Variants in ACADVL observed in about 807,000 individuals in gnomAD.
The protein encoded by ACADVL is acyl-CoA dehydrogenase very long chain, also known as very long-chain acyl-CoA dehydrogenase, mitochondrial.
Under a neutral mutation model 80.4 loss-of-function variants are expected in ACADVL, and 73 were observed. The ratio of observed to expected loss-of-function variants is 0.91; its 90% CI spans 0.75 to 1.10. ACADVL has a LOEUF of 1.10. Among genes scored for constraint, ACADVL ranks in the 50% least tolerant of loss-of-function variants. The probability of loss-of-function intolerance (pLI) is 0.00; values close to 1 mark genes in which losing one functional copy is unlikely to be tolerated. For missense variants in ACADVL, 878 were observed against 858.9 expected (o/e 1.02, Z -0.28); for synonymous variants, 392 against 326.5 (o/e 1.20, Z -2.16).
chr17:7,223,412 T>TTCTGC (rs1160765516), intron 11 of ACADVL, 175 bp downstream of exon 11: 2 of 812,396 alleles, frequency 2.5e-6, no homozygotes, highest in African/African-American at 3.4e-5. Context: ...AGCAATGATG[T>TTCTGC]TCTGCTCAGG....
At position 7,224,899 on chromosome 17, in the gene ACADVL, T is replaced by G; in HGVS notation, c.1827+15T>G. The G allele has an allele frequency of 6.2e-7, 1 of 1,614,050 alleles. No individual in the cohort carries two copies. Among genetic ancestry groups the G allele is most frequent in the Non-Finnish European group, 8.5e-7 (1 of 1,180,040 alleles). On this transcript the variant is annotated intron_variant, in intron 19 of 19. Transcript: ENST00000356839. ...GGTGTATCGAGGTGAGACTCGGGGCTGCCAAGCTCAGGTGAGGGCTGGAGG... is the reference window on the plus strand; with the variant it reads ...GGTGTATCGAGGTGAGACTCGGGGCGGCCAAGCTCAGGTGAGGGCTGGAGG...
intron 7 of ACADVL, 35 bp from the exon 8 acceptor site, chr17:7,221,917 C>T (rs1303764728): frequency 2.5e-6 from 4 of 1,613,754 alleles, no homozygotes. Flanking sequence ...TGAAGCTCAT[C>T]AGAACTTGGG....
In ACADVL at chr17:7,220,570, A is replaced by G. The variant is rs770101303; in HGVS notation, c.205-34A>G. 3 of 1,614,022 alleles carry G rather than the reference A, an allele frequency of 1.9e-6. No individual in the cohort carries two copies. Among genetic ancestry groups the G allele is most frequent in the East Asian group, 4.5e-5 (2 of 44,884 alleles). Reference sequence around the variant, plus strand: ...GCCAGGTGGACCTTAGCCAGACCCAACCAGAGCCCTGAAATTTGCCTCTCT... The same window carrying G: ...GCCAGGTGGACCTTAGCCAGACCCAGCCAGAGCCCTGAAATTTGCCTCTCT... On this transcript the variant is annotated intron_variant, in intron 3 of 19. Coordinates refer to ENST00000356839, the MANE Select transcript of ACADVL (RefSeq NM_000018.4).
At position 7,220,063 on chromosome 17, in the gene ACADVL, AGGGACGGT is replaced by A; in HGVS notation, c.62+21_62+28del. ...GGGCGGAAGGTCTGTGTGTGACAAG[AGGGACGGT>A]GGGCAGCGGCCCTGGGCACCGGGCC... is the stretch of plus-strand genomic sequence containing the variant. On this transcript the variant is annotated intron_variant, in intron 1 of 19. Transcript: ENST00000356839. 1 of 1,601,266 alleles carries A rather than the reference AGGGACGGT, an allele frequency of 6.2e-7. No individual in the cohort carries two copies. Among genetic ancestry groups the A allele is most frequent in the Non-Finnish European group, 8.5e-7 (1 of 1,178,580 alleles).
At chr17:7,220,222 G>A (rs1410884485) in intron 2 of ACADVL, 25 bp downstream of exon 2, 2 of 1,526,348 alleles carry the variant, frequency 1.3e-6, no homozygotes, top group Non-Finnish European at 1.8e-6. Context: ...CCTTGGCAAG[G>A]GGGTGTGGGA....
chr17:7,217,755 A>G, upstream of ACADVL: 1 of 1,535,348 alleles, frequency 6.5e-7, no homozygotes, highest in Non-Finnish European at 8.7e-7. Context: ...GCAGAAGCAC[A>G]GAGGCCCCTG....
Position 7,224,046 on chromosome 17 carries a change from T to G in ACADVL, c.1411T>G (p.Phe471Val). 1 of 1,614,070 alleles carries G rather than the reference T, an allele frequency of 6.2e-7. No homozygotes were observed. The highest frequency in any genetic ancestry group is 1.1e-5 in the South Asian group (1 of 91,074). The part of the protein sequence containing the change: ...FEGTNDILRL[F>V]VALQGCMDKG... ...GGGGACAAATGACATTCTTCGGCTG[T>G]TTGTGGCTCTGCAGGGCTGTATGGT... Residue 471 changes from phenylalanine (F) to valine (V), a missense_variant, in exon 14 of 20, where the codon TTT becomes GTT. Coordinates refer to ENST00000356839, the MANE Select transcript of ACADVL (RefSeq NM_000018.4).
At chr17:7,222,619 G>T in intron 9 of ACADVL, 48 bp from the exon 10 acceptor site, 1 of 1,549,906 alleles carries the variant, frequency 6.5e-7, no homozygotes, top group South Asian at 1.2e-5. Context: ...TTCCCCCAGT[G>T]ACAACCTGTT....
rs2071414050 is a variant in ACADVL, at chr17:7,225,053, G to A, written c.1924G>A (p.Val642Met). The A allele has an allele frequency of 1.9e-6, 3 of 1,614,122 alleles. No individual in the cohort carries two copies. The highest frequency in any genetic ancestry group is 2.5e-6 in the Non-Finnish European group (3 of 1,180,028). The change falls in exon 20 of 20, where the codon GTG (valine) becomes ATG (methionine). Residue 642 changes from valine (V) to methionine (M), a missense_variant. Physicochemically the swap from Val to Met is conservative, Grantham distance 21. Transcript: ENST00000356839. ...RNFKSISKALVERGGVVTSNP... is the reference protein window; with the variant it reads ...RNFKSISKALMERGGVVTSNP... ...CTTCAAAAGCATCTCCAAGGCCTTG[G>A]TGGAGCGGGGTGGTGTGGTCACCAG...
upstream of ACADVL, chr17:7,217,723 G>A: frequency 6.5e-7 from 1 of 1,535,136 alleles, no homozygotes; most frequent in South Asian, 1.2e-5. Flanking sequence ...CAGGAACCCG[G>A]ATAATGGGAA....
At chr17:7,222,919 C>T (rs530206494) in intron 10 of ACADVL, 54 bp downstream of exon 10, 109 of 1,592,676 alleles carry the variant, frequency 6.8e-5, no homozygotes, top group Non-Finnish European at 9.1e-5. Context: ...TCACTGTCCC[C>T]CTTGCCATGT....
intron 1 of ACADVL, 33 bp from the exon 2 acceptor site, chr17:7,220,089 A>G (rs1220538655): frequency 6.3e-7 from 1 of 1,593,522 alleles, no homozygotes; most frequent in African/African-American, 1.3e-5. Context: ...GGCCCTGGGC[A>G]CCGGGCCGGC....
Position 7,221,957 on chromosome 17 carries a change from A to C in ACADVL, c.628A>C (p.Thr210Pro), listed in dbSNP as rs775400380. 3 of 1,613,848 alleles carry C rather than the reference A, an allele frequency of 1.9e-6. No homozygotes were observed. The African/African-American group carries it at 4.0e-5, about 22-fold the overall frequency. Residue 210 changes from threonine to proline, a missense_variant, in exon 8 of 20, where the codon ACT (threonine) becomes CCT (proline). Thr to Pro is a conservative substitution (Grantham distance 38). Coordinates refer to ENST00000356839, the MANE Select transcript of ACADVL (RefSeq NM_000018.4). ...AGTAGCTCTCTCCCCAACAGGGGAG[A>C]CTGTGGCCGCTTTCTGTCTAACCGA... ...KYLPKLASGE[T>P]VAAFCLTEPS... is the part of the protein sequence containing the mutation.
In ACADVL at chr17:7,220,794, TAA is replaced by T. The variant is rs1057516979; in HGVS notation, c.308_309del (p.Lys103ArgfsTer20). The T allele has an allele frequency of 6.2e-7, 1 of 1,614,062 alleles. No individual in the cohort carries two copies. Among genetic ancestry groups the T allele is most frequent in the Non-Finnish European group, 8.5e-7 (1 of 1,180,036 alleles). Reference protein sequence around the residue: ...VLNEEQTQFLKELVEPVSRFF... With the variant: ...VLNEEQTQFLXELVEPVSRFF... Reference sequence around the variant, plus strand: ...TCAACGAAGAGCAGACACAGTTTCTTAAAGAGCTGGTGGAGCCTGTGTCCCGT... The same window carrying T: ...TCAACGAAGAGCAGACACAGTTTCTTAGAGCTGGTGGAGCCTGTGTCCCGT... On this transcript the variant is annotated frameshift_variant, in exon 5 of 20. Transcript: ENST00000356839. LOFTEE classifies it high-confidence loss of function.
In ACADVL at chr17:7,223,641, C is replaced by G. The variant is rs879012303; in HGVS notation, c.1183-3C>G. On this transcript the variant is annotated splice_region_variant and splice_polypyrimidine_tract_variant and intron_variant, in intron 11 of 19. Coordinates refer to ENST00000356839, the MANE Select transcript of ACADVL (RefSeq NM_000018.4). Reference sequence around the variant, plus strand: ...TTCCCATGTCCCAACTATGCAACCTCAGTCCATGGCTTACATGGTGAGTGC... The same window carrying G: ...TTCCCATGTCCCAACTATGCAACCTGAGTCCATGGCTTACATGGTGAGTGC... The G allele has an allele frequency of 6.2e-7, 1 of 1,614,124 alleles. No individual in the cohort carries two copies. Among genetic ancestry groups the G allele is most frequent in the African/African-American group, 1.3e-5 (1 of 75,034 alleles).
chr17:7,221,722 C>A, intron 7 of ACADVL, 40 bp downstream of exon 7: 1 of 1,613,132 alleles, frequency 6.2e-7, no homozygotes, highest in Non-Finnish European at 8.5e-7. Context: ...GGGGGGCACA[C>A]TGGGCTTGGC....
rs374524648 is a variant in ACADVL, at chr17:7,220,950, C to A, written c.369C>A (p.Asp123Glu). 6.2e-7 allele frequency: 1 copy of A among 1,614,114 alleles called. No homozygotes were observed. Among genetic ancestry groups the A allele is most frequent in the Admixed American group, 1.7e-5 (1 of 60,024 alleles). ...AAGTGAACGATCCCGCCAAGAATGACGCTCTGGAGATGGTGGAGGAGACCA... is the reference window on the plus strand; with the variant it reads ...AAGTGAACGATCCCGCCAAGAATGAAGCTCTGGAGATGGTGGAGGAGACCA... ...FEEVNDPAKN[D>E]ALEMVEETTW... The change falls in exon 6 of 20, where the codon GAC becomes GAA. Residue 123 changes from aspartate (D) to glutamate (E), a missense_variant. Transcript: ENST00000356839.
upstream of ACADVL, chr17:7,219,891 C>T (rs775362595): frequency 6.7e-6 from 10 of 1,501,400 alleles, no homozygotes; most frequent in South Asian, 9.8e-5. Context: ...GCACTGTGGA[C>T]GATGAGTCAG....
At chr17:7,224,440 G>C in intron 16 of ACADVL, 40 bp from the exon 17 acceptor site, 4 of 1,613,778 alleles carry the variant, frequency 2.5e-6, no homozygotes, top group Non-Finnish European at 3.4e-6. Flanking sequence ...GACTGCAGCC[G>C]ATGGCCCCTC....
Sources: allele counts gnomAD v4.1 joint callset, GRCh38; gene constraint gnomAD v4.1.1; transcripts MANE v1.5; gene names NCBI Gene and HGNC (gene_info 2026-07-23, HGNC 2026-07-21).